STX8: variants seen among roughly 807,000 people sequenced by gnomAD.
STX8 encodes syntaxin-8.
A neutral mutation model predicts 37.5 loss-of-function variants in STX8; 23 were observed. The ratio of observed to expected loss-of-function variants is 0.61; its 90% CI spans 0.44 to 0.87. The LOEUF (loss-of-function observed/expected upper bound fraction) is 0.87, where lower values mean the gene tolerates loss of function less well. Ranked by LOEUF, STX8 falls within the 40% of genes least tolerant of loss-of-function variation. STX8 has a pLI of 0.00. For synonymous variants in STX8, 115 were observed against 99.1 expected, an observed-to-expected ratio of 1.16 and a Z score of -0.95; for missense variants, 313 against 284.7, an observed-to-expected ratio of 1.10 and a Z score of -0.71.
intron 6 of STX8, among the ~76,000 whole-genome samples, chr17:9,428,451 A>G (rs1489721431): frequency 6.6e-6 from 1 of 152,190 alleles, no homozygotes; most frequent in Non-Finnish European, 1.5e-5. Flanking sequence ...CGTGTTAGCC[A>G]GGATGGTCTT....
At chr17:9,385,462 T>C (rs1009645742) in intron 6 of STX8, among the ~76,000 whole-genome samples, 2 of 152,114 alleles carry the variant, frequency 1.3e-5, no homozygotes. Context: ...CTCCTACATA[T>C]TAACAATAAA....
intron 6 of STX8, among the ~76,000 whole-genome samples, chr17:9,401,560 C>T (rs921620377): frequency 6.6e-6 from 1 of 152,170 alleles, no homozygotes; most frequent in Non-Finnish European, 1.5e-5. Flanking sequence ...CAGGAGAAGA[C>T]GGGTCTCTGG....
chr17:9,431,733 G>A (rs974332908), intron 6 of STX8, among the ~76,000 whole-genome samples: 2 of 152,170 alleles, frequency 1.3e-5, no homozygotes, highest in Non-Finnish European at 2.9e-5. Flanking sequence ...AGAACAGCAG[G>A]TTAGCAACAA....
intron 7 of STX8, among the ~76,000 whole-genome samples, chr17:9,327,492 G>C (rs1909817766): frequency 6.6e-6 from 1 of 152,114 alleles, no homozygotes; most frequent in African/African-American, 2.4e-5. Context: ...ATGTAGAAAT[G>C]TGACTGGACA....
chr17:9,371,063 G>T (rs371031586), intron 7 of STX8, among the ~76,000 whole-genome samples: 2 of 152,260 alleles, frequency 1.3e-5, no homozygotes, highest in South Asian at 4.2e-4. Flanking sequence ...TCACAAAGAG[G>T]TACTTGAATC....
intron 7 of STX8, among the ~76,000 whole-genome samples, chr17:9,287,479 T>C (rs1240322562): frequency 6.6e-5 from 10 of 152,062 alleles, no homozygotes; most frequent in African/African-American, 9.7e-5. Flanking sequence ...AATAGGGAGA[T>C]GAAATCCTGG....
chr17:9,492,577 C>G (rs921125726), intron 5 of STX8, among the ~76,000 whole-genome samples: 3 of 152,060 alleles, frequency 2.0e-5, no homozygotes, highest in African/African-American at 7.2e-5. Flanking sequence ...AAGGATATTC[C>G]CTGAAACATT....
chr17:9,375,618 C>T lies in STX8; in HGVS notation c.643+2934G>A, dbSNP rs561257450. Among the ~76,000 whole-genome samples the T allele has an allele frequency of 1.2e-3, 189 of 152,204 alleles. 4 individuals carry two copies. The South Asian group carries it at 0.02, about 16-fold the overall frequency. ...AGAGCTAATACCAGTACTTGCTCAC[C>T]GCACACAATGTACCAAAGATGGTTT... is the stretch of plus-strand genomic sequence containing the variant. On this transcript the variant is annotated intron_variant, in intron 7 of 7. Transcript: ENST00000306357.
At chr17:9,484,987 C>T (rs546613503) in intron 6 of STX8, among the ~76,000 whole-genome samples, 17 of 152,220 alleles carry the variant, frequency 1.1e-4, no homozygotes, top group African/African-American at 4.1e-4. Flanking sequence ...ATTGGGAGGG[C>T]CACTTAAAAT....
At chr17:9,537,498 C>T (rs969851207) in intron 4 of STX8, among the ~76,000 whole-genome samples, 6 of 152,158 alleles carry the variant, frequency 3.9e-5, no homozygotes, top group East Asian at 1.9e-4. Flanking sequence ...AGACTTTACA[C>T]GAGGCAGGCA....
At chr17:9,405,280 C>T (rs1481133612) in intron 6 of STX8, among the ~76,000 whole-genome samples, 1 of 152,082 alleles carries the variant, frequency 6.6e-6, no homozygotes, top group Non-Finnish European at 1.5e-5. Context: ...GATCTAGAGT[C>T]TGAATTAGAG....
intron 2 of STX8, among the ~76,000 whole-genome samples, chr17:9,558,573 C>T (rs978106422): frequency 5.9e-5 from 9 of 152,204 alleles, no homozygotes; most frequent in African/African-American, 2.2e-4. Flanking sequence ...CGGTGGCTCA[C>T]GCCTGTAATC....
chr17:9,532,968 A>G (rs1905877227), intron 4 of STX8, among the ~76,000 whole-genome samples: 1 of 152,352 alleles, frequency 6.6e-6, no homozygotes. Context: ...AATTTTTTTT[A>G]TCAGTTCCTA....
At chr17:9,423,421 G>A (rs759696574) in intron 6 of STX8, among the ~76,000 whole-genome samples, 2 of 152,180 alleles carry the variant, frequency 1.3e-5, no homozygotes, top group African/African-American at 2.4e-5. Flanking sequence ...TGCCTCCCGG[G>A]TTCAAGCAAT....
intron 6 of STX8, among the ~76,000 whole-genome samples, chr17:9,415,689 A>C (rs899409042): frequency 2.0e-5 from 3 of 152,172 alleles, no homozygotes; most frequent in Non-Finnish European, 2.9e-5. Flanking sequence ...GAATGGCGTG[A>C]ACCCGGTAGG....
At chr17:9,438,855 G>T (rs1904538681) in intron 6 of STX8, among the ~76,000 whole-genome samples, 1 of 152,036 alleles carries the variant, frequency 6.6e-6, no homozygotes, top group South Asian at 2.1e-4. Context: ...CATGAACCCG[G>T]GAGGCGGAGC....
chr17:9,264,418 C>T (rs574963562), intron 7 of STX8, among the ~76,000 whole-genome samples: 9 of 152,342 alleles, frequency 5.9e-5, no homozygotes, highest in Non-Finnish European at 8.8e-5. Context: ...GATCCCCCCA[C>T]GTCAGCCTCC....
intron 7 of STX8, among the ~76,000 whole-genome samples, chr17:9,293,947 A>C (rs1310617729): frequency 6.6e-6 from 1 of 151,312 alleles, no homozygotes; most frequent in African/African-American, 2.4e-5. Flanking sequence ...TTGTATTTTT[A>C]GTAGAGACGG....
chr17:9,260,896 G>T (rs1215542714), intron 7 of STX8, among the ~76,000 whole-genome samples: 1 of 152,224 alleles, frequency 6.6e-6, no homozygotes, highest in Non-Finnish European at 1.5e-5. Flanking sequence ...CAGAAACGTG[G>T]AAAGAATCAA....
Sources: gnomAD v4.1 joint callset for allele counts (sites outside exome capture counted in the v4.1 genomes callset) on GRCh38, gnomAD v4.1.1 for gene constraint, MANE v1.5 for transcripts, NCBI Gene and HGNC (gene_info 2026-07-23, HGNC 2026-07-21) for gene names.